Variants in PCDHGB4 observed in about 807,000 individuals in gnomAD.
PCDHGB4 encodes the protein protocadherin gamma subfamily B, 4.
PCDHGB4 carries 38 observed loss-of-function variants against 60.5 expected under a neutral mutation model. The ratio of observed to expected loss-of-function variants is 0.63; its 90% CI spans 0.48 to 0.82. The LOEUF is 0.82. Among genes scored for constraint, PCDHGB4 ranks in the 40% least tolerant of loss-of-function variants. The pLI, the probability that PCDHGB4 is intolerant of heterozygous loss-of-function variation, is 0.00. For missense variants in PCDHGB4, 1,109 were observed against 1,209.6 expected (o/e 0.92, Z 1.23); for synonymous variants, 456 against 509.7 (o/e 0.89, Z 1.42).
At chr5:141,501,290 TACACACACACACACAC>T (rs55762287) in intron 2 of PCDHGB4, among the ~76,000 whole-genome samples, 7 of 136,164 alleles carry the variant, frequency 5.1e-5, no homozygotes, top group South Asian at 2.4e-4. Context: ...TATTCCCTTA[TACACACACACACACAC>T]ACACACACAC....
At chr5:141,478,395 T>C in intron 1 of PCDHGB4, 1 of 1,613,510 alleles carries the variant, frequency 6.2e-7, no homozygotes, top group Non-Finnish European at 8.5e-7. Flanking sequence ...TACCATCAGG[T>C]GTATCTCACC....
rs761202330 is a variant in PCDHGB4 at position 141,489,878 on chromosome 5, C to T, written c.2398-4929C>T. 1.1e-5 allele frequency: 17 copies of T among 1,614,116 alleles called. No individual in the cohort carries two copies. In the East Asian group the frequency reaches 3.6e-4, roughly 34 times the overall value. On this transcript the variant is annotated intron_variant, in intron 1 of 3. Transcript: ENST00000519479. This position sits in a 1 kb window ranked among gnomAD's most constrained non-coding sequence, Gnocchi z 4.5. ...CAGGCAAGACATCAGCTGGTGCTTA[C>T]TGCTGTGGATGGGGGGACCCCAGCC... is the stretch of plus-strand genomic sequence containing the variant.
At chr5:141,460,488 T>C (rs1226287742) in intron 1 of PCDHGB4, among the ~76,000 whole-genome samples, 1 of 152,186 alleles carries the variant, frequency 6.6e-6, no homozygotes, top group Admixed American at 6.6e-5. Flanking sequence ...ATTGTCTCTT[T>C]GGAAAAATAT....
chr5:141,489,091 T>C lies in PCDHGB4; in HGVS notation c.2398-5716T>C. 1 of 333,052 alleles carries C rather than the reference T, an allele frequency of 3.0e-6. No individual in the cohort carries two copies. The highest frequency in any genetic ancestry group is 5.5e-6 in the Non-Finnish European group (1 of 181,380). 20.6% of individuals were successfully genotyped at this position (333,052 alleles called of 1,614,324 possible). On this transcript the variant is annotated intron_variant, in intron 1 of 3. Coordinates refer to ENST00000519479, the MANE Select transcript of PCDHGB4 (RefSeq NM_003736.4). This position sits in a 1 kb window ranked among gnomAD's most constrained non-coding sequence, Gnocchi z 4.5. ...CTGCCCACCCCCGCCACTCGGTGAC[T>C]AAGAACTGCTGCAAGCAGGCAAACC...
At position 141,388,685 on chromosome 5, in the gene PCDHGB4, G is replaced by A. The variant is rs2091454291; in HGVS notation, c.801G>A (p.Thr267=). Residue 267 remains threonine (T), a synonymous_variant, in exon 1 of 4, where the codon ACG becomes ACA. Transcript: ENST00000519479. ...CCACGGTGCTACAGGTGACTGCCAC[G>A]GACCAGGATGAGGGTGTCAATGCCG... is the stretch of plus-strand genomic sequence containing the variant. ...PGTTVLQVTA[T]DQDEGVNAEI... is the part of the protein sequence containing the mutation. 5 of 1,613,932 alleles carry A rather than the reference G, an allele frequency of 3.1e-6. No homozygotes were observed. Among genetic ancestry groups the A allele is most frequent in the East Asian group, 2.2e-5 (1 of 44,886 alleles).
In PCDHGB4 at chr5:141,511,217, C is replaced by A. The variant is rs766814445; in HGVS notation, c.*44C>A. On this transcript the variant is annotated 3_prime_UTR_variant, in exon 4 of 4. Transcript: ENST00000519479. ...AGCCACAGGGCGGCCTCTCCCCAAC[C>A]AGCCCAGCTTCTCCTTACCTGCACC... The A allele has an allele frequency of 2.5e-6, 4 of 1,607,588 alleles. No homozygotes were observed. Among genetic ancestry groups the A allele is most frequent in the Non-Finnish European group, 3.4e-6 (4 of 1,177,026 alleles).
Position 141,485,092 on chromosome 5 carries a change from G to C in PCDHGB4, c.2398-9715G>C, listed in dbSNP as rs2099606725. 3.8e-6 allele frequency: 4 copies of C among 1,065,492 alleles called. No homozygotes were observed. Among genetic ancestry groups the C allele is most frequent in the Non-Finnish European group, 5.6e-6 (4 of 708,358 alleles). The allele number at this position is 1,065,492 out of a possible 1,614,324, so 66.0% of individuals were successfully genotyped here. A position where few individuals can be genotyped will look rare whatever the true frequency, so the allele number is the denominator to read the frequency against. Reference sequence around the variant, plus strand: ...CTGGCGCGGGGAAAGGGAGATAGGTGTCTCCAGCTGCTGTGGCTGTTTGGG... The same window carrying C: ...CTGGCGCGGGGAAAGGGAGATAGGTCTCTCCAGCTGCTGTGGCTGTTTGGG... On this transcript the variant is annotated intron_variant, in intron 1 of 3. Coordinates refer to ENST00000519479, the MANE Select transcript of PCDHGB4 (RefSeq NM_003736.4). This position sits in a 1 kb window ranked among gnomAD's most constrained non-coding sequence, Gnocchi z 5.7.
intron 1 of PCDHGB4, chr5:141,427,973 C>G (rs754410723): frequency 3.1e-6 from 5 of 1,593,936 alleles, no homozygotes; most frequent in Non-Finnish European, 3.4e-6. Flanking sequence ...TGCTGTACCC[C>G]GCGCTGGGGC....
At chr5:141,394,938 G>T (rs367656720) in intron 1 of PCDHGB4, 1 of 1,613,662 alleles carries the variant, frequency 6.2e-7, no homozygotes, top group Non-Finnish European at 8.5e-7. Context: ...CGCCTTTGTC[G>T]CTGTGCTTCT....
In PCDHGB4 at chr5:141,428,860, CTT is replaced by C. The variant is rs34152666; in HGVS notation, c.2397+38591_2397+38592del. On this transcript the variant is annotated intron_variant, in intron 1 of 3. Transcript: ENST00000519479. The stretch of plus-strand genomic sequence containing the variant: ...ACATTTTCACCATTTTTACGGGAGA[CTT>C]TTTTTTTTTTTGGACGGAGTCTCGC... The C allele has an allele frequency of 7.4e-3, 1,070 of 145,506 alleles. 4 individuals carry two copies. Among genetic ancestry groups the C allele is most frequent in the South Asian group, 0.018 (82 of 4,566 alleles). 9.0% of individuals were successfully genotyped at this position (145,506 alleles called of 1,614,324 possible).
At chr5:141,403,655 A>T (rs1262068795) in intron 1 of PCDHGB4, 6 of 1,613,798 alleles carry the variant, frequency 3.7e-6, no homozygotes, top group Non-Finnish European at 4.2e-6. Context: ...AGTGTTGGAT[A>T]CAAATGATAA....
At chr5:141,478,740 C>T (rs2099474176) in intron 1 of PCDHGB4, 7 of 1,531,524 alleles carry the variant, frequency 4.6e-6, no homozygotes, top group Non-Finnish European at 6.2e-6. Flanking sequence ...GGTTTGTGGT[C>T]CCATTTCAGG....
chr5:141,431,554 C>G lies in PCDHGB4; in HGVS notation c.2397+41273C>G. 1 of 1,614,126 alleles carries G rather than the reference C, an allele frequency of 6.2e-7. No homozygotes were observed. The highest frequency in any genetic ancestry group is 1.7e-5 in the Admixed American group (1 of 60,032). ...TGGGCACGCAGCTGCTTGTAGTCAA[C>G]GCTACCGACCCTGACGAAGGAGTCA... is the stretch of plus-strand genomic sequence containing the variant. On this transcript the variant is annotated intron_variant, in intron 1 of 3. Coordinates refer to ENST00000519479, the MANE Select transcript of PCDHGB4 (RefSeq NM_003736.4). This position sits in a 1 kb window ranked among gnomAD's most constrained non-coding sequence, Gnocchi z 4.8.
chr5:141,408,575 G>A (rs1300122367), intron 1 of PCDHGB4: 4 of 1,613,918 alleles, frequency 2.5e-6, no homozygotes, highest in East Asian at 2.2e-5. Context: ...GGTGATTGAG[G>A]ATGTTAATGA....
intron 1 of PCDHGB4, chr5:141,393,012 G>T: frequency 1.9e-6 from 3 of 1,613,842 alleles, no homozygotes; most frequent in Non-Finnish European, 2.5e-6. Context: ...AGTCCGTATC[G>T]TCTCCAGAGG....
intron 1 of PCDHGB4, chr5:141,398,829 C>T (rs1020690994): frequency 3.1e-6 from 5 of 1,613,876 alleles, no homozygotes; most frequent in African/African-American, 2.7e-5. Context: ...AGGTAACCGA[C>T]GCCAATGATA....
At chr5:141,433,257 G>C (rs764036349) in intron 1 of PCDHGB4, 3 of 1,385,416 alleles carry the variant, frequency 2.2e-6, no homozygotes, top group Non-Finnish European at 3.0e-6. Flanking sequence ...GCAGCGGTAC[G>C]ATCATAGCTC....
intron 1 of PCDHGB4, among the ~76,000 whole-genome samples, chr5:141,448,861 C>T (rs1017826063): frequency 2.0e-5 from 3 of 152,118 alleles, no homozygotes; most frequent in African/African-American, 7.2e-5. Flanking sequence ...AGGAGAATGG[C>T]GTGAACCTGG....
chr5:141,490,184 TC>T lies in PCDHGB4; in HGVS notation c.2398-4622del, dbSNP rs1293752541. The T allele has an allele frequency of 1.2e-6, 2 of 1,614,196 alleles. No individual in the cohort carries two copies. The highest frequency in any genetic ancestry group is 1.7e-6 in the Non-Finnish European group (2 of 1,180,030). On this transcript the variant is annotated intron_variant, in intron 1 of 3. Coordinates refer to ENST00000519479, the MANE Select transcript of PCDHGB4 (RefSeq NM_003736.4). This position sits in a 1 kb window ranked among gnomAD's most constrained non-coding sequence, Gnocchi z 5.4. The stretch of plus-strand genomic sequence containing the variant: ...CCCATAGACTTTGAGGAGTCACGTT[TC>T]TATGAAATTCATGCAAGAGCCCGTG...
Sources: allele counts gnomAD v4.1 joint callset (sites outside exome capture counted in the v4.1 genomes callset), GRCh38; gene constraint gnomAD v4.1.1; non-coding constraint Gnocchi (gnomAD v3.1); transcripts MANE v1.5; gene names NCBI Gene and HGNC (gene_info 2026-07-23, HGNC 2026-07-21).